Variants in CCSER1 observed in about 807,000 individuals in gnomAD.
CCSER1 encodes the protein serine-rich coiled-coil domain-containing protein 1.
A neutral mutation model predicts 82.0 loss-of-function variants in CCSER1; 41 were observed. The ratio of observed to expected loss-of-function variants is 0.50; its 90% CI spans 0.39 to 0.65. CCSER1 has a LOEUF of 0.65. Ranked by LOEUF, CCSER1 falls within the 30% of genes least tolerant of loss-of-function variation. CCSER1 has a pLI of 0.00. For synonymous variants in CCSER1, 414 were observed against 383.9 expected (o/e 1.08, Z -0.92); for missense variants, 1,119 against 1,064.2 (o/e 1.05, Z -0.72).
chr4:91,505,270 C>T (rs1759425322), intron 10 of CCSER1, among the ~76,000 whole-genome samples: 4 of 152,208 alleles, frequency 2.6e-5, no homozygotes, highest in Admixed American at 2.6e-4. Context: ...AGGAAATGAT[C>T]TCATTGCTTT....
rs1764904308 is a variant in CCSER1 at position 91,604,588 on chromosome 4, AAAAT to A, written c.*5535_*5538del. On this transcript the variant is annotated 3_prime_UTR_variant, in exon 11 of 11. Transcript: ENST00000509176. ...CAAAAGGAAAGCATACAGTAAATGAAAAATAAACTAGTTATCAGATTGTCTTATA... is the reference window on the plus strand; with the variant it reads ...CAAAAGGAAAGCATACAGTAAATGAAAAACTAGTTATCAGATTGTCTTATA... The A allele has an allele frequency of 6.6e-6, 1 of 152,080 alleles. No individual in the cohort carries two copies. The highest frequency in any genetic ancestry group is 1.5e-5 in the Non-Finnish European group (1 of 67,958). The allele number at this position is 152,080 out of a possible 1,614,324, so 9.4% of individuals were successfully genotyped here. A position where few individuals can be genotyped will look rare whatever the true frequency, so the allele number is the denominator to read the frequency against.
chr4:90,513,989 A>G (rs1463872928), intron 5 of CCSER1, among the ~76,000 whole-genome samples: 7 of 152,310 alleles, frequency 4.6e-5, no homozygotes, highest in South Asian at 2.1e-4. Flanking sequence ...GAGAGAAAAC[A>G]GCTGCCATTT....
chr4:90,127,934 G>T (rs1034410674), intron 1 of CCSER1, 103 bp downstream of exon 1: 16 of 152,000 alleles, frequency 1.1e-4, no homozygotes, highest in African/African-American at 3.9e-4. Context: ...CTCGGCAGGT[G>T]ACCGCGCCGT....
chr4:91,488,369 A>C (rs931300817), intron 10 of CCSER1, among the ~76,000 whole-genome samples: 2 of 152,230 alleles, frequency 1.3e-5, no homozygotes, highest in Non-Finnish European at 2.9e-5. Flanking sequence ...AATGATAGAA[A>C]TTCATTAATT....
intron 1 of CCSER1, among the ~76,000 whole-genome samples, chr4:90,279,452 G>T (rs1728502266): frequency 1.3e-5 from 2 of 151,976 alleles, no homozygotes; most frequent in African/African-American, 2.4e-5. Context: ...ATGCTGCAGA[G>T]TAAGCAATAG....
chr4:91,260,758 A>T (rs539821172), intron 10 of CCSER1, among the ~76,000 whole-genome samples: 205 of 149,918 alleles, frequency 1.4e-3, no homozygotes, highest in South Asian at 5.3e-3. Flanking sequence ...TTATTTATTT[A>T]TTTATTTTTT....
chr4:90,135,185 C>T (rs952954780), intron 1 of CCSER1, among the ~76,000 whole-genome samples: 1 of 152,130 alleles, frequency 6.6e-6, no homozygotes. Flanking sequence ...TAACATTAAG[C>T]AGCCTTTGAT....
intron 10 of CCSER1, among the ~76,000 whole-genome samples, chr4:91,456,531 A>G (rs548229716): frequency 1.1e-4 from 17 of 152,196 alleles, no homozygotes; most frequent in African/African-American, 4.1e-4. Flanking sequence ...TTTCAACTTG[A>G]AAGCCATATT....
chr4:91,560,778 T>G (rs751055492), intron 10 of CCSER1, among the ~76,000 whole-genome samples: 23 of 151,420 alleles, frequency 1.5e-4, no homozygotes, highest in Admixed American at 4.6e-4. Flanking sequence ...GCTTCTCAAG[T>G]GCTTTTCTTT....
chr4:90,485,328 G>T (rs1035981233), intron 5 of CCSER1, among the ~76,000 whole-genome samples: 1 of 152,188 alleles, frequency 6.6e-6, no homozygotes, highest in South Asian at 2.1e-4. Flanking sequence ...CTTCCCAGGT[G>T]AGTCGATGCC....
At chr4:90,919,074 A>T (rs999509045) in intron 8 of CCSER1, among the ~76,000 whole-genome samples, 6 of 136,282 alleles carry the variant, frequency 4.4e-5, no homozygotes, top group African/African-American at 1.7e-4. Flanking sequence ...AAGTAATCTT[A>T]AATTGTTTCC....
intron 9 of CCSER1, among the ~76,000 whole-genome samples, chr4:91,041,872 C>T (rs1178163350): frequency 1.3e-5 from 2 of 152,176 alleles, no homozygotes; most frequent in Non-Finnish European, 2.9e-5. Context: ...TTTTGCCAAG[C>T]TCCTGAGGAT....
chr4:91,236,289 C>T (rs1739002473), intron 10 of CCSER1, among the ~76,000 whole-genome samples: 2 of 152,164 alleles, frequency 1.3e-5, no homozygotes, highest in East Asian at 3.9e-4. Flanking sequence ...AGATCAAGAC[C>T]ATCCTGGCCA....
intron 8 of CCSER1, among the ~76,000 whole-genome samples, chr4:90,882,514 TA>T (rs779868805): frequency 1.5e-4 from 23 of 152,156 alleles, no homozygotes; most frequent in Non-Finnish European, 2.2e-4. Flanking sequence ...GTCTATATCA[TA>T]AGGCTGCTGT....
intron 10 of CCSER1, among the ~76,000 whole-genome samples, chr4:91,217,335 C>T (rs368085826): frequency 9.2e-5 from 14 of 152,148 alleles, no homozygotes; most frequent in Admixed American, 7.2e-4. Flanking sequence ...TTTGTCAGGG[C>T]GCTGATTGGT....
intron 4 of CCSER1, among the ~76,000 whole-genome samples, chr4:90,465,320 C>CTTTTT: frequency 7.6e-6 from 1 of 131,940 alleles, no homozygotes; most frequent in South Asian, 2.4e-4. Flanking sequence ...TTTCCGTGTT[C>CTTTTT]TTTTTTTTTT....
intron 9 of CCSER1, among the ~76,000 whole-genome samples, chr4:91,045,072 A>G (rs1392911222): frequency 6.6e-6 from 1 of 152,132 alleles, no homozygotes; most frequent in Non-Finnish European, 1.5e-5. Flanking sequence ...TGTATCTTAT[A>G]CATATAAACC....
intron 10 of CCSER1, among the ~76,000 whole-genome samples, chr4:91,282,486 A>T (rs1237128068): frequency 6.6e-6 from 1 of 152,162 alleles, no homozygotes; most frequent in Non-Finnish European, 1.5e-5. Context: ...GGTTGTAATC[A>T]TTTCATCAAA....
chr4:91,551,464 ATATTTC>A (rs1762152870), intron 10 of CCSER1, among the ~76,000 whole-genome samples: 1 of 152,112 alleles, frequency 6.6e-6, no homozygotes, highest in African/African-American at 2.4e-5. Flanking sequence ...TAGCTGTTTG[ATATTTC>A]TATTAGGGTT....
Sources: gnomAD v4.1 joint callset for allele counts (sites outside exome capture counted in the v4.1 genomes callset) on GRCh38, gnomAD v4.1.1 for gene constraint, MANE v1.5 for transcripts, NCBI Gene and HGNC (gene_info 2026-07-23, HGNC 2026-07-21) for gene names.